The following ATP8B4 variants were observed in gnomAD, a reference collection of about 807,000 sequenced individuals.
ATP8B4 encodes the protein ATPase phospholipid transporting 8B4 (putative), also known as probable phospholipid-transporting ATPase IM.
ATP8B4 carries 133 observed loss-of-function variants against 145.6 expected under a neutral mutation model. The observed-to-expected ratio is 0.91, with a 90% CI of 0.79 to 1.05. The LOEUF is 1.05. ATP8B4 is among the 50% of genes least tolerant of loss of function. The probability of loss-of-function intolerance (pLI) is 0.00; values close to 1 mark genes in which losing one functional copy is unlikely to be tolerated. For missense variants in ATP8B4, 1,458 were observed against 1,425.2 expected, an observed-to-expected ratio of 1.02 and a Z score of -0.37; for synonymous variants, 507 against 492.9, an observed-to-expected ratio of 1.03 and a Z score of -0.38.
chr15:50,160,784 G>A (rs1473442171), intron 1 of ATP8B4, among the ~76,000 whole-genome samples: 1 of 151,804 alleles, frequency 6.6e-6, no homozygotes, highest in African/African-American at 2.4e-5. Flanking sequence ...ACTTGTTTGT[G>A]GCTTAAGATA....
At chr15:50,095,584 C>T (rs1264377675) in intron 2 of ATP8B4, among the ~76,000 whole-genome samples, 3 of 151,972 alleles carry the variant, frequency 2.0e-5, no homozygotes, top group African/African-American at 7.3e-5. Flanking sequence ...TAGTGAGACC[C>T]TATCTTTACA....
At chr15:50,014,887 C>T (rs2048974491) in intron 6 of ATP8B4, among the ~76,000 whole-genome samples, 1 of 152,068 alleles carries the variant, frequency 6.6e-6, no homozygotes, top group Admixed American at 6.6e-5. Flanking sequence ...GTTTAAATGA[C>T]CACACACTTT....
intron 14 of ATP8B4, among the ~76,000 whole-genome samples, chr15:49,935,642 G>T (rs2041669394): frequency 6.6e-6 from 1 of 151,888 alleles, no homozygotes; most frequent in South Asian, 2.1e-4. Flanking sequence ...CACAGCCCCA[G>T]TCCCACTCCC....
At chr15:50,109,975 CT>C (rs1049164113) in intron 1 of ATP8B4, among the ~76,000 whole-genome samples, 2 of 152,184 alleles carry the variant, frequency 1.3e-5, no homozygotes, top group African/African-American at 4.8e-5. Flanking sequence ...CCTAAAATTA[CT>C]TTTAAAACAT....
At chr15:49,919,970 A>C (rs2040107797) in intron 18 of ATP8B4, among the ~76,000 whole-genome samples, 1 of 152,188 alleles carries the variant, frequency 6.6e-6, no homozygotes, top group African/African-American at 2.4e-5. Context: ...AACATCAAGG[A>C]CCATCAGAGG....
At chr15:50,040,857 A>C (rs1278653014) in intron 5 of ATP8B4, among the ~76,000 whole-genome samples, 2 of 152,224 alleles carry the variant, frequency 1.3e-5, no homozygotes, top group African/African-American at 4.8e-5. Flanking sequence ...CTTCCACAGG[A>C]AAGAAAGGAA....
At chr15:50,127,816 G>A (rs1298332801) in intron 1 of ATP8B4, among the ~76,000 whole-genome samples, 1 of 152,168 alleles carries the variant, frequency 6.6e-6, no homozygotes, top group Admixed American at 6.5e-5. Flanking sequence ...ATTATACATA[G>A]GGAGAGGAAC....
chr15:49,915,269 A>G (rs535532000), intron 20 of ATP8B4, among the ~76,000 whole-genome samples: 3 of 152,296 alleles, frequency 2.0e-5, no homozygotes, highest in African/African-American at 4.8e-5. Flanking sequence ...GATCTCATAG[A>G]GAGTAGAATG....
intron 6 of ATP8B4, among the ~76,000 whole-genome samples, chr15:50,012,276 G>GA (rs1463625503): frequency 6.6e-6 from 1 of 152,112 alleles, no homozygotes; most frequent in Non-Finnish European, 1.5e-5. Flanking sequence ...CAGCATCTTA[G>GA]AAAAAATGGG....
chr15:49,858,346 C>CTA lies in ATP8B4; in HGVS notation c.*1847_*1848insTA, dbSNP rs2031054509. 6.6e-6 allele frequency: 1 copy of CTA among 152,210 alleles called. No individual in the cohort carries two copies. Among genetic ancestry groups the CTA allele is most frequent in the Non-Finnish European group, 1.5e-5 (1 of 68,046 alleles). The allele number at this position is 152,210 out of a possible 1,614,324, so 9.4% of individuals were successfully genotyped here. On this transcript the variant is annotated 3_prime_UTR_variant, in exon 28 of 28. Transcript: ENST00000284509. Reference sequence around the variant, plus strand: ...TGACAAATTAGACATTGAAAACCAACATCTGGTTAAGTGTAGGCAGGCATG... The same window carrying CTA: ...TGACAAATTAGACATTGAAAACCAACTAATCTGGTTAAGTGTAGGCAGGCATG...
At chr15:49,955,637 G>C (rs910383099) in intron 14 of ATP8B4, among the ~76,000 whole-genome samples, 5 of 152,052 alleles carry the variant, frequency 3.3e-5, no homozygotes, top group Non-Finnish European at 7.4e-5. Context: ...TCCATGAATA[G>C]ACAAACAGAT....
At chr15:50,056,993 T>A (rs1007873203) in intron 3 of ATP8B4, among the ~76,000 whole-genome samples, 1 of 152,156 alleles carries the variant, frequency 6.6e-6, no homozygotes, top group East Asian at 1.9e-4. Flanking sequence ...CTCACAGAAC[T>A]GGGATTACAG....
chr15:49,884,842 T>C (rs1157273977), intron 23 of ATP8B4, among the ~76,000 whole-genome samples: 1 of 152,090 alleles, frequency 6.6e-6, no homozygotes, highest in Non-Finnish European at 1.5e-5. Context: ...CGCATAAGAT[T>C]ATCATAGGAG....
chr15:50,167,257 C>A (rs2044609110), intron 1 of ATP8B4, among the ~76,000 whole-genome samples: 1 of 152,164 alleles, frequency 6.6e-6, no homozygotes, highest in Admixed American at 6.5e-5. Flanking sequence ...TGTCTTAAAA[C>A]AACAGAAATT....
chr15:50,011,498 G>C (rs941400674), intron 6 of ATP8B4, among the ~76,000 whole-genome samples: 4 of 152,148 alleles, frequency 2.6e-5, no homozygotes, highest in African/African-American at 9.7e-5. Flanking sequence ...ATTCTAACAG[G>C]ACAGCAGCTC....
rs989173667 is a variant in ATP8B4, at chr15:49,996,975, A to G, written c.507-216T>C. Among the ~76,000 whole-genome samples the G allele has an allele frequency of 2.2e-4, 34 of 152,134 alleles. 1 individual carries two copies. The highest frequency in any genetic ancestry group is 1.5e-5 in the Non-Finnish European group (1 of 68,012). On this transcript the variant is annotated intron_variant, in intron 8 of 27. Coordinates refer to ENST00000284509, the MANE Select transcript of ATP8B4 (RefSeq NM_024837.4). ...GGCATTCTACCCACGGCACATCTTTATAACAACACAATGATCTGTTTTGCA... is the reference window on the plus strand; with the variant it reads ...GGCATTCTACCCACGGCACATCTTTGTAACAACACAATGATCTGTTTTGCA...
Position 49,868,540 on chromosome 15 carries a change from G to C in ATP8B4, c.3028-2056C>G, listed in dbSNP as rs1175039708. On this transcript the variant is annotated intron_variant, in intron 25 of 27. Coordinates refer to ENST00000284509, the MANE Select transcript of ATP8B4 (RefSeq NM_024837.4). ...TGATTCTTGTAAATAGTTAGTTCTA[G>C]ATGAGTAATAATGTATGAGGGCAGT... Among the ~76,000 whole-genome samples, 12 of 152,280 alleles carry C rather than the reference G, an allele frequency of 7.9e-5. 1 individual carries two copies. In the East Asian group the frequency reaches 2.3e-3, roughly 29 times the overall value.
intron 3 of ATP8B4, among the ~76,000 whole-genome samples, chr15:50,049,151 A>G (rs2051972271): frequency 6.6e-6 from 1 of 152,176 alleles, no homozygotes; most frequent in South Asian, 2.1e-4. Context: ...TCTTTACAAT[A>G]TATTTCTTTT....
intron 1 of ATP8B4, among the ~76,000 whole-genome samples, chr15:50,128,670 T>C (rs975853723): frequency 6.6e-6 from 1 of 152,126 alleles, no homozygotes; most frequent in African/African-American, 2.4e-5. Flanking sequence ...AAGACTGTGG[T>C]TGGTAAATTG....
Sources: allele counts gnomAD v4.1 joint callset (sites outside exome capture counted in the v4.1 genomes callset), GRCh38; gene constraint gnomAD v4.1.1; transcripts MANE v1.5; gene names NCBI Gene and HGNC (gene_info 2026-07-23, HGNC 2026-07-21).